TNFSF8: variants seen among roughly 807,000 people sequenced by gnomAD.
The protein encoded by TNFSF8 is TNF superfamily member 8.
TNFSF8 carries 4 observed loss-of-function variants against 22.0 expected under a neutral mutation model. The ratio of observed to expected loss-of-function variants is 0.18; its 90% CI spans 0.09 to 0.42. The LOEUF is 0.42. Ranked by LOEUF, TNFSF8 falls within the 10% of genes least tolerant of loss-of-function variation. The pLI is 1.00. For synonymous variants in TNFSF8, 106 were observed against 112.5 expected (o/e 0.94, Z 0.37); for missense variants, 233 against 281.8 (o/e 0.83, Z 1.24).
chr9:114,899,127 A>T (rs891367839), downstream of TNFSF8, among the ~76,000 whole-genome samples: 1 of 152,168 alleles, frequency 6.6e-6, no homozygotes. Context: ...ACACCTCCAC[A>T]GCTGTCCTTG....
chr9:114,923,525 T>TCTTTCTTTCTTTCTTTCTTTC (rs1554778281), intron 1 of TNFSF8, among the ~76,000 whole-genome samples: 3 of 134,548 alleles, frequency 2.2e-5, no homozygotes, highest in African/African-American at 5.6e-5. Flanking sequence ...TTTCTTTCTT[T>TCTTTCTTTCTTTCTTTCTTTC]TTTTTTTTTT....
At chr9:114,899,346 T>A (rs979038450), downstream of TNFSF8, among the ~76,000 whole-genome samples, 3 of 143,466 alleles carry the variant, frequency 2.1e-5, no homozygotes, top group Non-Finnish European at 3.0e-5. Context: ...TAAGTTATTA[T>A]TTTTTTTTTT....
At chr9:114,915,483 T>G (rs1030819818) in intron 2 of TNFSF8, among the ~76,000 whole-genome samples, 9 of 152,142 alleles carry the variant, frequency 5.9e-5, no homozygotes, top group Admixed American at 1.3e-4. Flanking sequence ...AAGGGGATGT[T>G]GACTTGCATT....
downstream of TNFSF8, among the ~76,000 whole-genome samples, chr9:114,897,786 A>C (rs1827671922): frequency 1.3e-5 from 2 of 151,986 alleles, no homozygotes; most frequent in South Asian, 4.1e-4. Flanking sequence ...CTGAGCACAA[A>C]ACTAGAGAGA....
At chr9:114,899,764 G>A (rs1236088768), downstream of TNFSF8, among the ~76,000 whole-genome samples, 1 of 152,212 alleles carries the variant, frequency 6.6e-6, no homozygotes, top group Non-Finnish European at 1.5e-5. Flanking sequence ...GTACAGAGCA[G>A]AGAAGTACTT....
chr9:114,897,855 A>G (rs887746907), downstream of TNFSF8, among the ~76,000 whole-genome samples: 3 of 152,118 alleles, frequency 2.0e-5, no homozygotes, highest in Non-Finnish European at 2.9e-5. Context: ...TAGGAAGGCT[A>G]TGTTCATAGT....
intron 3 of TNFSF8, among the ~76,000 whole-genome samples, chr9:114,905,622 G>C (rs1016828763): frequency 6.6e-6 from 1 of 152,198 alleles, no homozygotes; most frequent in African/African-American, 2.4e-5. Context: ...TGAGGAAAGA[G>C]AAGCCTTGTA....
chr9:114,903,003 G>GA lies in TNFSF8; in HGVS notation c.*927dup, dbSNP rs1342148633. On this transcript the variant is annotated 3_prime_UTR_variant, in exon 4 of 4. Transcript: ENST00000223795. ...TTAGAGGCATCTTTCCTGCCTAGCA[G>GA]ACTGGATTCCCCACTTCTCTGTTGC... The GA allele has an allele frequency of 1.3e-5, 2 of 153,030 alleles. No homozygotes were observed. The highest frequency in any genetic ancestry group is 3.9e-4 in the East Asian group (2 of 5,194). 9.5% of individuals were successfully genotyped at this position (153,030 alleles called of 1,614,324 possible). A position where few individuals can be genotyped will look rare whatever the true frequency, so the allele number is the denominator to read the frequency against.
intron 2 of TNFSF8, among the ~76,000 whole-genome samples, chr9:114,914,737 C>G (rs1827897244): frequency 1.3e-5 from 2 of 152,064 alleles, no homozygotes; most frequent in South Asian, 4.1e-4. Flanking sequence ...AAAACTAAAA[C>G]CCAGAAAGGA....
At chr9:114,898,133 G>C (rs1827676041), downstream of TNFSF8, among the ~76,000 whole-genome samples, 1 of 151,018 alleles carries the variant, frequency 6.6e-6, no homozygotes, top group Non-Finnish European at 1.5e-5. Flanking sequence ...CTCCCAAGTA[G>C]CTGTGATTAC....
At chr9:114,926,375 A>G (rs1270448669) in intron 1 of TNFSF8, among the ~76,000 whole-genome samples, 1 of 152,172 alleles carries the variant, frequency 6.6e-6, no homozygotes, top group Non-Finnish European at 1.5e-5. Flanking sequence ...GCTTGCAGTG[A>G]GCAGAGATCG....
At chr9:114,915,415 GC>G (rs1264741600) in intron 2 of TNFSF8, among the ~76,000 whole-genome samples, 1 of 152,170 alleles carries the variant, frequency 6.6e-6, no homozygotes, top group African/African-American at 2.4e-5. Flanking sequence ...CAGTTCTGGA[GC>G]CCAGGAATAT....
At chr9:114,897,873 G>A (rs938673884), downstream of TNFSF8, among the ~76,000 whole-genome samples, 4 of 152,144 alleles carry the variant, frequency 2.6e-5, no homozygotes, top group African/African-American at 9.7e-5. Flanking sequence ...AGTGACTGGA[G>A]CGTGGAATGT....
chr9:114,918,255 C>T, intron 1 of TNFSF8, 117 bp from the exon 2 acceptor site: 1 of 791,258 alleles, frequency 1.3e-6, no homozygotes, highest in Non-Finnish European at 1.9e-6. Context: ...ATTCATCCTC[C>T]ACCTGAATTT....
intron 3 of TNFSF8, among the ~76,000 whole-genome samples, chr9:114,905,078 C>T (rs751186604): frequency 3.3e-5 from 5 of 152,164 alleles, no homozygotes; most frequent in East Asian, 3.9e-4. Flanking sequence ...AGTCCTAACA[C>T]GTGAAAATTA....
intron 2 of TNFSF8, among the ~76,000 whole-genome samples, chr9:114,906,825 C>A (rs1282343509): frequency 6.6e-6 from 1 of 152,176 alleles, no homozygotes; most frequent in East Asian, 1.9e-4. Context: ...ACATTTCCTG[C>A]AATGACACTT....
chr9:114,921,731 G>C (rs1311377370), intron 1 of TNFSF8, among the ~76,000 whole-genome samples: 1 of 152,196 alleles, frequency 6.6e-6, no homozygotes. Context: ...CAATGACTTG[G>C]CTTTGTGTAA....
intron 1 of TNFSF8, among the ~76,000 whole-genome samples, chr9:114,925,033 T>C (rs531575543): frequency 1.8e-4 from 28 of 152,298 alleles, no homozygotes; most frequent in South Asian, 1.7e-3. Context: ...GCCGAACTCC[T>C]ATTAGCTCAA....
chr9:114,927,479 G>C (rs1012786862), intron 1 of TNFSF8, among the ~76,000 whole-genome samples: 7 of 152,050 alleles, frequency 4.6e-5, no homozygotes, highest in Non-Finnish European at 7.4e-5. Context: ...CATTGGCTAG[G>C]AGTGCCTCTC....
Sources: gnomAD v4.1 joint callset for allele counts (sites outside exome capture counted in the v4.1 genomes callset) on GRCh38, gnomAD v4.1.1 for gene constraint, MANE v1.5 for transcripts, NCBI Gene and HGNC (gene_info 2026-07-23, HGNC 2026-07-21) for gene names.